Variants in RANBP2 observed in about 807,000 individuals in gnomAD.
The protein encoded by RANBP2 is RAN binding protein 2.
RANBP2 carries 57 observed loss-of-function variants against 303.6 expected under a neutral mutation model. That is an observed-to-expected ratio of 0.19 (90% CI 0.15 to 0.23). The LOEUF (loss-of-function observed/expected upper bound fraction) is 0.23. RANBP2 is among the 10% of genes least tolerant of loss of function. The probability of loss-of-function intolerance (pLI) is 1.00; values close to 1 mark genes in which losing one functional copy is unlikely to be tolerated. For synonymous variants in RANBP2, 1,167 were observed against 1,301.5 expected (o/e 0.90, Z 2.23); for missense variants, 3,138 against 3,780.8 (o/e 0.83, Z 4.46).
the RANBP2 span, among the ~76,000 whole-genome samples, chr2:109,341,911 G>T: frequency 1.3e-5 from 2 of 152,204 alleles, no homozygotes; most frequent in African/African-American, 4.8e-5. Flanking sequence ...TTGAAATTTG[G>T]AATATTCTGA....
At chr2:109,249,452 T>C in the RANBP2 span, among the ~76,000 whole-genome samples, 2 of 147,132 alleles carry the variant, frequency 1.4e-5, no homozygotes, top group East Asian at 4.1e-4. Flanking sequence ...CAGATCTCTC[T>C]CTCTTTCTCT....
At chr2:109,129,466 T>C in the RANBP2 span, 1 of 1,494,202 alleles carries the variant, frequency 6.7e-7, no homozygotes, top group Admixed American at 2.1e-5. Flanking sequence ...GTCCTGATGC[T>C]GGCTGCCGGT....
the RANBP2 span, among the ~76,000 whole-genome samples, chr2:108,873,846 G>GGCT: frequency 6.6e-6 from 1 of 152,084 alleles, no homozygotes; most frequent in Non-Finnish European, 1.5e-5. Flanking sequence ...GCAGCCCATG[G>GGCT]GCTGCAGGTT....
the RANBP2 span, among the ~76,000 whole-genome samples, chr2:109,441,556 C>T: frequency 6.6e-6 from 1 of 152,154 alleles, no homozygotes; most frequent in Non-Finnish European, 1.5e-5. Context: ...AGCAATGGGA[C>T]AACTTTAAGT....
chr2:109,593,276 G>C, the RANBP2 span, among the ~76,000 whole-genome samples: 1 of 152,148 alleles, frequency 6.6e-6, no homozygotes, highest in Non-Finnish European at 1.5e-5. Flanking sequence ...GTTTGAAATT[G>C]TGGCTTTCTT....
At chr2:108,920,979 C>T in the RANBP2 span, among the ~76,000 whole-genome samples, 1 of 152,088 alleles carries the variant, frequency 6.6e-6, no homozygotes, top group Admixed American at 6.5e-5. Context: ...CATAACCTAC[C>T]GTAGTGGTTC....
At chr2:108,909,799 G>C in the RANBP2 span, among the ~76,000 whole-genome samples, 12 of 152,332 alleles carry the variant, frequency 7.9e-5, no homozygotes, top group South Asian at 4.1e-4. Flanking sequence ...CGCGGGAAAG[G>C]CTTCACCTGC....
At chr2:108,883,066 T>G in the RANBP2 span, 3 of 152,254 alleles carry the variant, frequency 2.0e-5, 1 homozygote, top group Admixed American at 2.0e-4. Flanking sequence ...AATTCATTTC[T>G]TATTTTCCAC....
At chr2:109,101,248 C>T in the RANBP2 span, among the ~76,000 whole-genome samples, 390 of 152,150 alleles carry the variant, frequency 2.6e-3, 1 homozygote, top group African/African-American at 8.8e-3. Context: ...CATAGTGGGC[C>T]GGGCGTGGTA....
chr2:109,539,617 T>C, the RANBP2 span, among the ~76,000 whole-genome samples: 1 of 152,124 alleles, frequency 6.6e-6, no homozygotes, highest in South Asian at 2.1e-4. Flanking sequence ...CTAATTTTTG[T>C]ATTTTTACTA....
chr2:109,676,346 C>T, the RANBP2 span, among the ~76,000 whole-genome samples: 1 of 152,216 alleles, frequency 6.6e-6, no homozygotes, highest in South Asian at 2.1e-4. Flanking sequence ...TGCTCTCAGG[C>T]CCTCCAACTC....
the RANBP2 span, among the ~76,000 whole-genome samples, chr2:109,687,331 C>T: frequency 6.6e-6 from 1 of 152,086 alleles, no homozygotes; most frequent in African/African-American, 2.4e-5. Flanking sequence ...TTTGATAGTC[C>T]CCATTTGATT....
chr2:108,890,460 G>T, the RANBP2 span, among the ~76,000 whole-genome samples: 1 of 152,160 alleles, frequency 6.6e-6, no homozygotes, highest in African/African-American at 2.4e-5. Context: ...GCCCAGGCTG[G>T]TCTTGTACTC....
At chr2:108,745,734 C>T (rs1696453939) in intron 7 of RANBP2, among the ~76,000 whole-genome samples, 1 of 151,826 alleles carries the variant, frequency 6.6e-6, no homozygotes, top group Non-Finnish European at 1.5e-5. Flanking sequence ...GTCATTTCAC[C>T]TGTACTTTTT....
chr2:109,080,143 C>T, the RANBP2 span, among the ~76,000 whole-genome samples: 1 of 152,166 alleles, frequency 6.6e-6, no homozygotes, highest in Non-Finnish European at 1.5e-5. Context: ...ATATTTGAAA[C>T]TTGGCAAAAC....
the RANBP2 span, among the ~76,000 whole-genome samples, chr2:109,550,731 G>A: frequency 2.0e-5 from 3 of 152,180 alleles, no homozygotes; most frequent in African/African-American, 7.2e-5. Context: ...AGAAGTTAGA[G>A]CCCAGTCTTT....
chr2:108,832,657 A>G, the RANBP2 span, among the ~76,000 whole-genome samples: 7 of 152,220 alleles, frequency 4.6e-5, no homozygotes, highest in East Asian at 3.8e-4. Flanking sequence ...AACCACTGGT[A>G]TAGGTAAATT....
chr2:109,326,909 C>T, the RANBP2 span, among the ~76,000 whole-genome samples: 236 of 152,306 alleles, frequency 1.5e-3, 1 homozygote, highest in African/African-American at 5.2e-3. Flanking sequence ...CACCTGAGCA[C>T]GCTGGCTCTA....
the RANBP2 span, among the ~76,000 whole-genome samples, chr2:109,017,796 CACTA>C: frequency 1.3e-5 from 2 of 152,146 alleles, no homozygotes; most frequent in Admixed American, 1.3e-4. Context: ...CCCACACCTG[CACTA>C]ATCAGTTCTT....
Sources: allele counts gnomAD v4.1 joint callset (sites outside exome capture counted in the v4.1 genomes callset), GRCh38; gene constraint gnomAD v4.1.1; transcripts MANE v1.5; gene names NCBI Gene and HGNC (gene_info 2026-07-23, HGNC 2026-07-21).